LAMA2: variants seen among roughly 807,000 people sequenced by gnomAD.
The protein encoded by LAMA2 is laminin subunit alpha 2, also known as laminin subunit alpha-2.
Under a neutral mutation model 364.8 loss-of-function variants are expected in LAMA2, and 269 were observed. The ratio of observed to expected loss-of-function variants is 0.74; its 90% CI spans 0.67 to 0.82. The LOEUF is 0.82. LAMA2 is among the 40% of genes least tolerant of loss of function. LAMA2 has a pLI of 0.00. For synonymous variants in LAMA2, 1,379 were observed against 1,370.6 expected, an observed-to-expected ratio of 1.01 and a Z score of -0.14; for missense variants, 3,807 against 3,873.2, an observed-to-expected ratio of 0.98 and a Z score of 0.45.
chr6:128,907,659 T>A (rs1777579715), intron 1 of LAMA2, among the ~76,000 whole-genome samples: 1 of 152,156 alleles, frequency 6.6e-6, no homozygotes, highest in Non-Finnish European at 1.5e-5. Context: ...TGGCCAGAAC[T>A]TCCAACACTA....
chr6:129,246,544 A>C (rs776026031), intron 12 of LAMA2, among the ~76,000 whole-genome samples: 1 of 152,218 alleles, frequency 6.6e-6, no homozygotes, highest in Non-Finnish European at 1.5e-5. Flanking sequence ...AGAGGCATTG[A>C]AACTACACGG....
intron 20 of LAMA2, among the ~76,000 whole-genome samples, chr6:129,294,786 C>A (rs1789968730): frequency 6.6e-6 from 1 of 152,134 alleles, no homozygotes; most frequent in African/African-American, 2.4e-5. Context: ...GCAGTGAGAA[C>A]AGTGCATCAG....
intron 3 of LAMA2, among the ~76,000 whole-genome samples, chr6:129,077,851 A>C (rs1445594948): frequency 6.6e-6 from 1 of 152,180 alleles, no homozygotes; most frequent in East Asian, 1.9e-4. Flanking sequence ...CTTTAAAACT[A>C]AATCAGGATT....
intron 41 of LAMA2, among the ~76,000 whole-genome samples, chr6:129,430,729 G>A (rs900815392): frequency 6.6e-6 from 1 of 152,128 alleles, no homozygotes; most frequent in Non-Finnish European, 1.5e-5. Flanking sequence ...ATTTTGGGAG[G>A]CCGAGGCAGG....
intron 12 of LAMA2, among the ~76,000 whole-genome samples, chr6:129,246,645 C>G (rs1015908048): frequency 6.6e-6 from 1 of 152,210 alleles, no homozygotes; most frequent in East Asian, 1.9e-4. Flanking sequence ...TAAACTTTCC[C>G]TATCAAAAAA....
chr6:128,959,006 A>G (rs1406212519), intron 1 of LAMA2, among the ~76,000 whole-genome samples: 1 of 152,186 alleles, frequency 6.6e-6, no homozygotes, highest in Admixed American at 6.5e-5. Context: ...TACTTAAAAT[A>G]AATATATAAT....
intron 13 of LAMA2, among the ~76,000 whole-genome samples, chr6:129,250,842 G>T (rs1173509441): frequency 2.0e-5 from 3 of 152,006 alleles, no homozygotes; most frequent in Non-Finnish European, 2.9e-5. Context: ...ACACATACAT[G>T]CATGTTCATT....
At chr6:129,473,899 C>T (rs1783939972) in intron 52 of LAMA2, among the ~76,000 whole-genome samples, 1 of 151,952 alleles carries the variant, frequency 6.6e-6, no homozygotes, top group Admixed American at 6.6e-5. Flanking sequence ...TGGGGAGACA[C>T]ATTTGCTTCC....
intron 43 of LAMA2, chr6:129,442,639 A>G (rs1047140572): frequency 7.6e-6 from 2 of 264,148 alleles, no homozygotes; most frequent in Non-Finnish European, 1.5e-5. Context: ...TATTAAGCCT[A>G]GTACCCATTA....
At position 129,247,705 on chromosome 6, in the gene LAMA2, C is replaced by T. The variant is rs190413991; in HGVS notation, c.1783-2407C>T. On this transcript the variant is annotated intron_variant, in intron 12 of 64. Transcript: ENST00000421865. ...GACAATTTTCAGGCAATTCAAAATACGTTGTAATAATGGCAAACATGAGTA... is the reference window on the plus strand; with the variant it reads ...GACAATTTTCAGGCAATTCAAAATATGTTGTAATAATGGCAAACATGAGTA... Among the ~76,000 whole-genome samples, 53 of 152,110 alleles carry T rather than the reference C, an allele frequency of 3.5e-4. 1 individual carries two copies. Among genetic ancestry groups the T allele is most frequent in the Admixed American group, 3.0e-3 (46 of 15,286 alleles).
At chr6:129,004,770 A>G (rs1784340160) in intron 1 of LAMA2, among the ~76,000 whole-genome samples, 1 of 152,158 alleles carries the variant, frequency 6.6e-6, no homozygotes, top group Non-Finnish European at 1.5e-5. Flanking sequence ...GTATTTTGAC[A>G]CTTTCTAATT....
At chr6:129,424,232 A>T (rs1356140445) in intron 40 of LAMA2, among the ~76,000 whole-genome samples, 5 of 152,042 alleles carry the variant, frequency 3.3e-5, no homozygotes, top group Non-Finnish European at 7.4e-5. Flanking sequence ...CTCAAAAGAG[A>T]TGCTAGACCT....
chr6:129,036,125 G>A (rs1786625109), intron 1 of LAMA2, among the ~76,000 whole-genome samples: 1 of 152,090 alleles, frequency 6.6e-6, no homozygotes, highest in South Asian at 2.1e-4. Flanking sequence ...AGCATGGAAT[G>A]TTTTTCCATT....
At chr6:128,963,190 C>T (rs1781636493) in intron 1 of LAMA2, among the ~76,000 whole-genome samples, 1 of 152,036 alleles carries the variant, frequency 6.6e-6, no homozygotes, top group African/African-American at 2.4e-5. Context: ...CCCCTATCCT[C>T]CCTCCCTTTC....
chr6:129,382,730 T>C (rs1778763228), intron 34 of LAMA2, among the ~76,000 whole-genome samples: 2 of 152,194 alleles, frequency 1.3e-5, no homozygotes, highest in African/African-American at 4.8e-5. Context: ...CAAGAGATCA[T>C]TGCTGCACTC....
In LAMA2 at chr6:128,930,006, C is replaced by T. The variant is rs145331700; in HGVS notation, c.112+46649C>T. ...TTGCGCACGGCGGCGTTATCCCACG[C>T]TGCCAGCCTCGGCGTTGCAGAGCAC... On this transcript the variant is annotated intron_variant, in intron 1 of 64. Coordinates refer to ENST00000421865, the MANE Select transcript of LAMA2 (RefSeq NM_000426.4). 7.2e-4 allele frequency: 379 copies of T among 524,618 alleles called. 5 individuals carry two copies. In the East Asian group the frequency reaches 0.014, roughly 19 times the overall value. 32.5% of individuals were successfully genotyped at this position (524,618 alleles called of 1,614,324 possible).
chr6:128,911,608 C>G (rs545679500), intron 1 of LAMA2, among the ~76,000 whole-genome samples: 8 of 152,320 alleles, frequency 5.3e-5, no homozygotes, highest in African/African-American at 1.9e-4. Flanking sequence ...CTGCGTCGCT[C>G]ACGCTGGGAG....
chr6:129,094,074 A>G (rs867700165), intron 3 of LAMA2, among the ~76,000 whole-genome samples: 10 of 152,340 alleles, frequency 6.6e-5, no homozygotes, highest in South Asian at 4.1e-4. Flanking sequence ...AGAAAACATT[A>G]GAGAGTTATT....
At chr6:129,275,654 T>A (rs973624081) in intron 17 of LAMA2, among the ~76,000 whole-genome samples, 3 of 151,900 alleles carry the variant, frequency 2.0e-5, no homozygotes, top group Non-Finnish European at 2.9e-5. Context: ...AACTGCAGAT[T>A]TAATTCTTTA....
Sources: allele counts gnomAD v4.1 joint callset (sites outside exome capture counted in the v4.1 genomes callset), GRCh38; gene constraint gnomAD v4.1.1; transcripts MANE v1.5; gene names NCBI Gene and HGNC (gene_info 2026-07-23, HGNC 2026-07-21).